Variants in ODAD2 observed in about 807,000 individuals in gnomAD.
ODAD2 encodes the protein outer dynein arm docking complex subunit 2, also known as outer dynein arm-docking complex subunit 2.
In ODAD2, 89 loss-of-function variants were observed where a neutral mutation model predicts 106.8. The ratio of observed to expected loss-of-function variants is 0.83; its 90% CI spans 0.70 to 0.99. ODAD2 has a LOEUF of 0.99. Among genes scored for constraint, ODAD2 ranks in the 50% least tolerant of loss-of-function variants. The pLI is 0.00. For synonymous variants in ODAD2, 404 were observed against 436.2 expected (o/e 0.93, Z 0.92); for missense variants, 1,168 against 1,238.5 (o/e 0.94, Z 0.85).
intron 19 of ODAD2, among the ~76,000 whole-genome samples, chr10:27,813,884 T>G (rs143503258): frequency 6.6e-6 from 1 of 152,112 alleles, no homozygotes; most frequent in South Asian, 2.1e-4. Flanking sequence ...AAGGTAAGGA[T>G]AGTGAGGAAG....
At chr10:27,984,720 T>C (rs1849766664) in intron 4 of ODAD2, among the ~76,000 whole-genome samples, 1 of 152,168 alleles carries the variant, frequency 6.6e-6, no homozygotes, top group South Asian at 2.1e-4. Flanking sequence ...TTTTTAATTT[T>C]TAGAACTGGA....
chr10:27,838,101 G>A lies in ODAD2; in HGVS notation c.3021+22524C>T, dbSNP rs532991333. 2.5e-4 allele frequency among the ~76,000 whole-genome samples: 38 copies of A among 152,142 alleles called. No individual in the cohort carries two copies. The South Asian group carries it at 7.1e-3, about 28-fold the overall frequency. ...GAGTCTTAGGAGGGAATATTAATGCGAGCATATTTTTGGCACATTAAAAAC... is the reference window on the plus strand; with the variant it reads ...GAGTCTTAGGAGGGAATATTAATGCAAGCATATTTTTGGCACATTAAAAAC... On this transcript the variant is annotated intron_variant, in intron 19 of 19. Transcript: ENST00000305242.
Position 27,901,508 on chromosome 10 carries a change from C to T in ODAD2, c.2610+6155G>A, listed in dbSNP as rs373639410. ...TGGGCTAAATGCCCCAATTAAAAGACATAGATTGGCAAATTGGATAAAGAT... is the reference window on the plus strand; with the variant it reads ...TGGGCTAAATGCCCCAATTAAAAGATATAGATTGGCAAATTGGATAAAGAT... On this transcript the variant is annotated intron_variant, in intron 17 of 19. Transcript: ENST00000305242. 5.3e-5 allele frequency among the ~76,000 whole-genome samples: 8 copies of T among 152,060 alleles called. No individual in the cohort carries two copies. In the East Asian group the frequency reaches 1.2e-3, roughly 22 times the overall value.
chr10:27,958,973 C>T, intron 10 of ODAD2: 1 of 1,303,594 alleles, frequency 7.7e-7, no homozygotes, highest in Non-Finnish European at 1.0e-6. Context: ...TTTCCTTTTG[C>T]TAATGAAATA....
At chr10:27,828,270 G>A (rs1316741950) in intron 19 of ODAD2, among the ~76,000 whole-genome samples, 1 of 152,198 alleles carries the variant, frequency 6.6e-6, no homozygotes, top group African/African-American at 2.4e-5. Context: ...TCCCTGATAT[G>A]ATGATTTCCC....
rs1018735176 is a variant in ODAD2 at position 27,962,505 on chromosome 10, C to G, written c.1239-790G>C. Among the ~76,000 whole-genome samples, 4 of 152,240 alleles carry G rather than the reference C, an allele frequency of 2.6e-5. No homozygotes were observed. In the East Asian group the frequency reaches 7.7e-4, roughly 29 times the overall value. On this transcript the variant is annotated intron_variant, in intron 9 of 19. Transcript: ENST00000305242. ...ATATTCAGCACATCCCTCCATAATG[C>G]CTACACTGAAGTACTTGCAAGGGCA...
intron 17 of ODAD2, among the ~76,000 whole-genome samples, chr10:27,865,867 C>T (rs73604087): frequency 0.014 from 2,207 of 152,292 alleles, 51 homozygotes; most frequent in African/African-American, 0.051. Flanking sequence ...AACACGTTGC[C>T]TTACCTGATT....
At chr10:27,986,007 G>T (rs1487441515) in intron 3 of ODAD2, among the ~76,000 whole-genome samples, 3 of 152,076 alleles carry the variant, frequency 2.0e-5, no homozygotes, top group African/African-American at 7.2e-5. Flanking sequence ...TGAGATGGGG[G>T]TGGAGAGGAA....
intron 19 of ODAD2, among the ~76,000 whole-genome samples, chr10:27,815,640 C>T (rs897626122): frequency 2.0e-5 from 3 of 152,178 alleles, no homozygotes; most frequent in African/African-American, 4.8e-5. Flanking sequence ...TGCTTTTCCT[C>T]GTATCCATTC....
At chr10:27,867,332 C>A (rs1430643586) in intron 17 of ODAD2, among the ~76,000 whole-genome samples, 1 of 152,136 alleles carries the variant, frequency 6.6e-6, no homozygotes, top group Non-Finnish European at 1.5e-5. Flanking sequence ...GACTACAATG[C>A]CACAAAGTCT....
chr10:27,882,228 A>G (rs184857967), intron 17 of ODAD2, among the ~76,000 whole-genome samples: 3 of 151,054 alleles, frequency 2.0e-5, no homozygotes, highest in Admixed American at 6.6e-5. Flanking sequence ...AAAGAAAGAA[A>G]GAAAGAAATA....
chr10:27,971,260 G>A lies in ODAD2; in HGVS notation c.990C>T (p.Ala330=). ...GGGCAGCTGCTTCTTCCTTCTTGGGGGCTTTGCCAAGCTGATCCTTTTCCT... is the reference window on the plus strand; with the variant it reads ...GGGCAGCTGCTTCTTCCTTCTTGGGAGCTTTGCCAAGCTGATCCTTTTCCT... The part of the protein sequence containing the change: ...QQKEKDQLGK[A]PKKEEAAALR... The change falls in exon 8 of 20, where the codon GCC becomes GCT. Residue 330 remains alanine (A), a synonymous_variant. Coordinates refer to ENST00000305242, the MANE Select transcript of ODAD2 (RefSeq NM_018076.5). The A allele has an allele frequency of 6.2e-7, 1 of 1,613,112 alleles. No homozygotes were observed. The highest frequency in any genetic ancestry group is 8.5e-7 in the Non-Finnish European group (1 of 1,179,506).
chr10:27,909,817 G>GAAAAAAAAAAAAAAAAAA (rs35449629), intron 16 of ODAD2, among the ~76,000 whole-genome samples: 1 of 56,384 alleles, frequency 1.8e-5, no homozygotes, highest in African/African-American at 6.9e-5. Flanking sequence ...GTCTTCATTT[G>GAAAAAAAAAAAAAAAAAA]AAAAAAAAAA....
chr10:27,939,699 T>C (rs879382579), intron 14 of ODAD2, among the ~76,000 whole-genome samples, 198 bp downstream of exon 14: 1 of 151,878 alleles, frequency 6.6e-6, no homozygotes, highest in Non-Finnish European at 1.5e-5. Flanking sequence ...GATTGTGCCA[T>C]TGCCCTCCAG....
intron 9 of ODAD2, among the ~76,000 whole-genome samples, chr10:27,967,720 G>A (rs1163180061): frequency 6.6e-6 from 1 of 151,838 alleles, no homozygotes; most frequent in Non-Finnish European, 1.5e-5. Flanking sequence ...GCAAAACCCC[G>A]TATCTACTAA....
At chr10:27,812,911 A>G (rs1465839317) in intron 19 of ODAD2, among the ~76,000 whole-genome samples, 1 of 152,120 alleles carries the variant, frequency 6.6e-6, no homozygotes, top group Non-Finnish European at 1.5e-5. Flanking sequence ...TTTCTCTTGC[A>G]TCTTTTCTGT....
intron 10 of ODAD2, among the ~76,000 whole-genome samples, chr10:27,953,494 T>A (rs935728805): frequency 9.2e-5 from 14 of 152,132 alleles, no homozygotes; most frequent in Admixed American, 8.5e-4. Context: ...GTAAAAATAT[T>A]AGCTGCAGTA....
intron 19 of ODAD2, among the ~76,000 whole-genome samples, chr10:27,822,059 G>T (rs1416895895): frequency 6.6e-6 from 1 of 152,174 alleles, no homozygotes; most frequent in Non-Finnish European, 1.5e-5. Flanking sequence ...CAGGCACAAG[G>T]ACTGGTTTGT....
chr10:27,930,729 T>G (rs1048002103), intron 16 of ODAD2, among the ~76,000 whole-genome samples: 4 of 152,208 alleles, frequency 2.6e-5, no homozygotes, highest in African/African-American at 9.6e-5. Context: ...CTTGTGACTT[T>G]AAGGAAGTTA....
Sources: gnomAD v4.1 joint callset for allele counts (sites outside exome capture counted in the v4.1 genomes callset) on GRCh38, gnomAD v4.1.1 for gene constraint, MANE v1.5 for transcripts, NCBI Gene and HGNC (gene_info 2026-07-23, HGNC 2026-07-21) for gene names.